The following WNT9B variants were observed in gnomAD, a reference collection of about 807,000 sequenced individuals.
The protein encoded by WNT9B is protein Wnt-9b.
WNT9B carries 12 observed loss-of-function variants against 30.2 expected under a neutral mutation model. The observed-to-expected ratio is 0.40, with a 90% CI of 0.26 to 0.64. WNT9B has a LOEUF of 0.64. Ranked by LOEUF, WNT9B falls within the 30% of genes least tolerant of loss-of-function variation. The pLI, the probability that WNT9B is intolerant of heterozygous loss-of-function variation, is 0.42. For synonymous variants in WNT9B, 218 were observed against 216.9 expected (o/e 1.01, Z -0.05); for missense variants, 442 against 485.2 (o/e 0.91, Z 0.84).
rs1243401469 is a variant in WNT9B, at chr17:46,877,482, C to T, written c.*764C>T. On this transcript the variant is annotated 3_prime_UTR_variant, in exon 4 of 4. Transcript: ENST00000290015. ...AAAACTACCACCAGTGCAGGTAAGA[C>T]AGGTGGGAGAACTAGCCACCAAGGC... Among the ~76,000 whole-genome samples, 1 of 152,186 alleles carries T rather than the reference C, an allele frequency of 6.6e-6. No individual in the cohort carries two copies. Among genetic ancestry groups the T allele is most frequent in the Non-Finnish European group, 1.5e-5 (1 of 68,040 alleles).
chr17:46,873,364 G>A (rs1026861508), intron 2 of WNT9B, among the ~76,000 whole-genome samples: 2 of 152,072 alleles, frequency 1.3e-5, no homozygotes, highest in African/African-American at 2.4e-5. Context: ...CCAGATCCTG[G>A]AGGTTCAGAG....
At chr17:46,857,357 C>T (rs1190132535) in intron 1 of WNT9B, among the ~76,000 whole-genome samples, 3 of 151,846 alleles carry the variant, frequency 2.0e-5, no homozygotes, top group East Asian at 3.9e-4. Flanking sequence ...TGCCTCTAAT[C>T]CCAGCTACTC....
chr17:46,835,803 G>A (rs978021636), intron 1 of WNT9B, among the ~76,000 whole-genome samples: 1 of 152,208 alleles, frequency 6.6e-6, no homozygotes. Flanking sequence ...GAGGGCCTGC[G>A]CCCCCTCAGC....
chr17:46,839,338 G>A (rs1016379119), intron 1 of WNT9B, among the ~76,000 whole-genome samples: 2 of 152,222 alleles, frequency 1.3e-5, no homozygotes, highest in Non-Finnish European at 2.9e-5. Context: ...CCAGCTGTGG[G>A]TACCTGACCC....
upstream of WNT9B, among the ~76,000 whole-genome samples, chr17:46,847,849 G>A (rs530336790): frequency 6.6e-6 from 1 of 152,212 alleles, no homozygotes; most frequent in African/African-American, 2.4e-5. Flanking sequence ...TTCAGGCAGG[G>A]TGGGCTGGCC....
chr17:46,857,235 G>A (rs570911223), intron 1 of WNT9B, among the ~76,000 whole-genome samples: 13 of 152,218 alleles, frequency 8.5e-5, no homozygotes, highest in South Asian at 8.3e-4. Context: ...TTGGGAGGCC[G>A]AGACGGGCAG....
Position 46,838,499 on chromosome 17 carries a change from C to T in WNT9B, c.95+5059C>T, listed in dbSNP as rs150594354. Among the ~76,000 whole-genome samples, 653 of 151,942 alleles carry T rather than the reference C, an allele frequency of 4.3e-3. 6 individuals are homozygous for T. Among genetic ancestry groups the T allele is most frequent in the African/African-American group, 0.015 (625 of 41,442 alleles). ...AAAATTAGCTGGGCATGGTGGTATT[C>T]GCCCATAATCCTAGCTTCTCAGGAG... On this transcript the variant is annotated intron_variant, in intron 1 of 2. Transcript: ENST00000575372.
chr17:46,872,595 G>A lies in WNT9B; in HGVS notation c.156G>A (p.Leu52=). ...CCCCGGCACAGGGCGGGGCCCACCT[G>A]AAGCAGTGTGACCTGCTGAAGCTGT... ...AAAPAQGGAH[L]KQCDLLKLSR... Residue 52 remains leucine (L), a synonymous_variant, in exon 2 of 4, where the codon CTG becomes CTA. Transcript: ENST00000290015. The A allele has an allele frequency of 6.2e-7, 1 of 1,611,956 alleles. No individual in the cohort carries two copies. The highest frequency in any genetic ancestry group is 8.5e-7 in the Non-Finnish European group (1 of 1,179,092).
chr17:46,859,916 A>G (rs1258030357), intron 1 of WNT9B, among the ~76,000 whole-genome samples: 1 of 152,214 alleles, frequency 6.6e-6, no homozygotes, highest in Non-Finnish European at 1.5e-5. Flanking sequence ...TTAAAAAAAG[A>G]AATTCTTCCA....
intron 1 of WNT9B, among the ~76,000 whole-genome samples, chr17:46,839,191 A>G (rs2146518892): frequency 6.6e-6 from 1 of 152,332 alleles, no homozygotes; most frequent in African/African-American, 2.4e-5. Context: ...AAAGAATTTT[A>G]AGTGAATTTC....
chr17:46,835,929 C>T (rs1295951725), intron 1 of WNT9B, among the ~76,000 whole-genome samples: 1 of 152,224 alleles, frequency 6.6e-6, no homozygotes, highest in Non-Finnish European at 1.5e-5. Context: ...GGACAGGACT[C>T]TCCTGGTGGG....
At chr17:46,886,368 A>C (rs1354106046) in exon 5 of WNT9B, 1 of 152,256 alleles carries the variant, frequency 6.6e-6, no homozygotes, top group African/African-American at 2.4e-5. Flanking sequence ...TCAATTAATA[A>C]ATAAAATTTG....
intron 1 of WNT9B, among the ~76,000 whole-genome samples, chr17:46,844,892 G>A (rs2146529580): frequency 6.6e-6 from 1 of 151,700 alleles, no homozygotes; most frequent in East Asian, 1.9e-4. Context: ...GTTGCCCCAG[G>A]GCTGGAGTGC....
chr17:46,858,978 C>CT (rs35256955), intron 1 of WNT9B, among the ~76,000 whole-genome samples: 13,251 of 134,214 alleles, frequency 0.099, 759 homozygotes, highest in East Asian at 0.23. Flanking sequence ...ATAATTTTAG[C>CT]TTTTTTTTTT....
chr17:46,875,322 C>T lies in WNT9B; in HGVS notation c.556C>T (p.Leu186=). The stretch of plus-strand genomic sequence containing the variant: ...GGGGTCCAAGAGAGGAAACAAGGAC[C>T]TGCGGGCACGGGCAGACGCCCACAA... ...FLGSKRGNKD[L]RARADAHNTH... Residue 186 remains leucine (L), a synonymous_variant, in exon 3 of 4, where the codon CTG becomes TTG. Transcript: ENST00000290015. 1 of 1,613,156 alleles carries T rather than the reference C, an allele frequency of 6.2e-7. No individual in the cohort carries two copies. The highest frequency in any genetic ancestry group is 1.3e-5 in the African/African-American group (1 of 75,062).
intron 1 of WNT9B, among the ~76,000 whole-genome samples, chr17:46,834,803 G>A (rs774765324): frequency 5.9e-5 from 9 of 152,092 alleles, no homozygotes; most frequent in African/African-American, 9.7e-5. Flanking sequence ...CTTCCCCCAC[G>A]CTAATATACT....
chr17:46,836,982 G>A (rs866827009), intron 1 of WNT9B, among the ~76,000 whole-genome samples: 6 of 151,648 alleles, frequency 4.0e-5, no homozygotes, highest in East Asian at 1.9e-4. Flanking sequence ...TCGCTCTGTC[G>A]CCCAGGCTGT....
chr17:46,872,926 A>C (rs16941159), intron 2 of WNT9B, among the ~76,000 whole-genome samples, 153 bp downstream of exon 2: 5,229 of 152,170 alleles, frequency 0.034, 296 homozygotes, highest in African/African-American at 0.12. Context: ...GAGAAGAGTC[A>C]CAAGAGTTAA....
At chr17:46,843,272 T>C (rs916576997) in intron 1 of WNT9B, among the ~76,000 whole-genome samples, 1 of 152,244 alleles carries the variant, frequency 6.6e-6, no homozygotes, top group African/African-American at 2.4e-5. Context: ...TTTTTCAACC[T>C]CCTCTCACTC....
Sources: gnomAD v4.1 joint callset for allele counts (sites outside exome capture counted in the v4.1 genomes callset) on GRCh38, gnomAD v4.1.1 for gene constraint, MANE v1.5 for transcripts, NCBI Gene and HGNC (gene_info 2026-07-23, HGNC 2026-07-21) for gene names.